The following NAALADL2 variants were observed in gnomAD, a reference collection of about 807,000 sequenced individuals.
NAALADL2 encodes inactive N-acetylated-alpha-linked acidic dipeptidase-like protein 2.
Under a neutral mutation model 87.2 loss-of-function variants are expected in NAALADL2, and 76 were observed. The observed-to-expected ratio is 0.87, with a 90% CI of 0.72 to 1.05. The LOEUF is 1.05. Ranked by LOEUF, NAALADL2 falls within the 50% of genes least tolerant of loss-of-function variation. The pLI is 0.00. For missense variants in NAALADL2, 1,089 were observed against 945.8 expected (o/e 1.15, Z -1.99); for synonymous variants, 354 against 331.0 (o/e 1.07, Z -0.75).
At chr3:175,619,489 C>T (rs1053581221) in intron 10 of NAALADL2, among the ~76,000 whole-genome samples, 25 of 140,380 alleles carry the variant, frequency 1.8e-4, no homozygotes, top group Non-Finnish European at 3.1e-4. Context: ...AAAAAAACAA[C>T]TTAAATGCAG....
At chr3:175,647,762 C>T (rs557476965) in intron 11 of NAALADL2, among the ~76,000 whole-genome samples, 5 of 152,272 alleles carry the variant, frequency 3.3e-5, no homozygotes, top group Admixed American at 2.0e-4. Flanking sequence ...CTGAGTAAGA[C>T]GAGCCTTTGC....
rs1371072186 is a variant in NAALADL2, at chr3:175,205,840, GA to G, written c.546-28085del. Among the ~76,000 whole-genome samples the G allele has an allele frequency of 2.0e-5, 3 of 150,782 alleles. No individual in the cohort carries two copies. In the South Asian group the frequency reaches 6.3e-4, roughly 32 times the overall value. ...ATATACAAATGGCCAAAAAAAAAATGAAAAAATGCCCAACATCACTAATGAT... is the reference window on the plus strand; with the variant it reads ...ATATACAAATGGCCAAAAAAAAAATGAAAAATGCCCAACATCACTAATGAT... On this transcript the variant is annotated intron_variant, in intron 2 of 13. Transcript: ENST00000454872.
intron 5 of NAALADL2, among the ~76,000 whole-genome samples, chr3:175,329,022 C>G (rs534482400): frequency 1.3e-5 from 2 of 152,218 alleles, no homozygotes; most frequent in African/African-American, 4.8e-5. Context: ...CATCTACTTT[C>G]TTTAATAATT....
At chr3:175,080,150 A>ATTTTTT (rs1717501887) in intron 1 of NAALADL2, among the ~76,000 whole-genome samples, 1 of 152,086 alleles carries the variant, frequency 6.6e-6, no homozygotes, top group African/African-American at 2.4e-5. Flanking sequence ...TATTTTTAGT[A>ATTTTTT]GAGGCGGGTT....
At chr3:175,394,752 A>G (rs549995644) in intron 5 of NAALADL2, among the ~76,000 whole-genome samples, 12 of 152,348 alleles carry the variant, frequency 7.9e-5, no homozygotes, top group African/African-American at 2.9e-4. Flanking sequence ...ATTACAGTCA[A>G]TCAGCACGTT....
intron 13 of NAALADL2, among the ~76,000 whole-genome samples, chr3:175,793,272 CA>C (rs36163802): frequency 6.9e-6 from 1 of 143,910 alleles, no homozygotes; most frequent in Middle Eastern, 3.4e-3. Context: ...AGGCAAGATT[CA>C]AAAAAAACTT....
intron 4 of NAALADL2, among the ~76,000 whole-genome samples, chr3:175,321,946 C>G (rs1456820790): frequency 5.3e-5 from 8 of 151,106 alleles, no homozygotes; most frequent in South Asian, 2.1e-4. Flanking sequence ...CCATCCCCAT[C>G]AAGCTACCAA....
intron 5 of NAALADL2, among the ~76,000 whole-genome samples, chr3:175,420,060 C>A (rs1190984632): frequency 6.6e-6 from 1 of 151,776 alleles, no homozygotes; most frequent in Non-Finnish European, 1.5e-5. Context: ...TAGACATTGA[C>A]CTAACCCAAT....
chr3:175,255,099 A>G (rs1749694538), intron 3 of NAALADL2, among the ~76,000 whole-genome samples: 1 of 152,188 alleles, frequency 6.6e-6, no homozygotes, highest in African/African-American at 2.4e-5. Flanking sequence ...AGAGAGGCAA[A>G]AACAGATTAC....
intron 1 of NAALADL2, among the ~76,000 whole-genome samples, chr3:174,501,555 T>C (rs1718898652): frequency 6.6e-6 from 1 of 152,192 alleles, no homozygotes; most frequent in Non-Finnish European, 1.5e-5. Context: ...GAGTTTTAAC[T>C]ACAAATTCAA....
intron 11 of NAALADL2, among the ~76,000 whole-genome samples, chr3:175,642,828 T>A (rs1729489766): frequency 1.3e-5 from 2 of 152,174 alleles, no homozygotes; most frequent in Non-Finnish European, 2.9e-5. Context: ...TGTTTAGTGA[T>A]GCTCAGAGGA....
Position 175,467,968 on chromosome 3 carries a change from G to A in NAALADL2, c.1533+784G>A, listed in dbSNP as rs138051406. Among the ~76,000 whole-genome samples, 90 of 152,044 alleles carry A rather than the reference G, an allele frequency of 5.9e-4. 1 individual carries two copies. In the East Asian group the frequency reaches 0.017, roughly 28 times the overall value. ...AAAAGAGGTTCAATAGACATATGTA[G>A]ACCAAAAACACTACATAATTTTACT... On this transcript the variant is annotated intron_variant, in intron 8 of 13. Coordinates refer to ENST00000454872, the MANE Select transcript of NAALADL2 (RefSeq NM_207015.3).
chr3:175,320,397 C>T (rs998295510), intron 4 of NAALADL2, among the ~76,000 whole-genome samples: 8 of 152,054 alleles, frequency 5.3e-5, no homozygotes, highest in African/African-American at 9.7e-5. Context: ...CATTTAACGA[C>T]GGGGGCAGAA....
intron 2 of NAALADL2, among the ~76,000 whole-genome samples, chr3:174,576,273 C>G (rs933905074): frequency 8.6e-5 from 13 of 152,018 alleles, no homozygotes; most frequent in African/African-American, 3.1e-4. Context: ...ATTATAAAAA[C>G]TTGAAATAAA....
intron 10 of NAALADL2, among the ~76,000 whole-genome samples, chr3:175,610,557 C>G (rs973360073): frequency 2.0e-5 from 3 of 152,036 alleles, no homozygotes; most frequent in African/African-American, 7.2e-5. Flanking sequence ...CCATTATTTA[C>G]TATGTTGAAT....
intron 2 of NAALADL2, among the ~76,000 whole-genome samples, chr3:175,149,793 C>T (rs1051817309): frequency 1.3e-5 from 2 of 152,146 alleles, no homozygotes; most frequent in Admixed American, 6.6e-5. Context: ...AAACCATTTC[C>T]TCTTTACAGA....
chr3:175,455,628 G>A (rs1268248356), intron 6 of NAALADL2, among the ~76,000 whole-genome samples: 2 of 152,084 alleles, frequency 1.3e-5, no homozygotes, highest in African/African-American at 4.8e-5. Flanking sequence ...ATATGGATGT[G>A]AAAATGTGTG....
intron 1 of NAALADL2, among the ~76,000 whole-genome samples, chr3:174,908,581 T>C (rs1733272025): frequency 6.6e-6 from 1 of 151,990 alleles, no homozygotes; most frequent in Non-Finnish European, 1.5e-5. Context: ...AAAAACAAAG[T>C]GATGGAGAAG....
In NAALADL2 at chr3:175,369,250, G is replaced by A. The variant is rs867018947; in HGVS notation, c.1090+44925G>A. On this transcript the variant is annotated intron_variant, in intron 5 of 13. Coordinates refer to ENST00000454872, the MANE Select transcript of NAALADL2 (RefSeq NM_207015.3). Reference sequence around the variant, plus strand: ...AGCAAGTATGTGTGTGCCTGTGTGCGCGTGTGTATATATAAATGTTACATT... The same window carrying A: ...AGCAAGTATGTGTGTGCCTGTGTGCACGTGTGTATATATAAATGTTACATT... 6.6e-5 allele frequency among the ~76,000 whole-genome samples: 10 copies of A among 152,088 alleles called. No homozygotes were observed. The Middle Eastern group carries it at 0.01, about 155-fold the overall frequency.
Sources: allele counts gnomAD v4.1 joint callset (sites outside exome capture counted in the v4.1 genomes callset), GRCh38; gene constraint gnomAD v4.1.1; transcripts MANE v1.5; gene names NCBI Gene and HGNC (gene_info 2026-07-23, HGNC 2026-07-21).